Variants in CFAP47 observed in about 807,000 individuals in gnomAD.
CFAP47 encodes cilia- and flagella-associated protein 47.
In CFAP47, 29 loss-of-function variants were observed where a neutral mutation model predicts 148.1. That is an observed-to-expected ratio of 0.20 (90% CI 0.15 to 0.27). The LOEUF (loss-of-function observed/expected upper bound fraction) is 0.27, where lower values mean the gene tolerates loss of function less well. CFAP47 is among the 10% of genes least tolerant of loss of function. The pLI, the probability that CFAP47 is intolerant of heterozygous loss-of-function variation, is 1.00. For synonymous variants in CFAP47, 664 were observed against 577.3 expected (o/e 1.15, Z -2.15); for missense variants, 1,872 against 1,697.5 (o/e 1.10, Z -1.81).
At chrX:36,265,924 A>G (rs1283009401) in intron 49 of CFAP47, among the ~76,000 whole-genome samples, 3 of 111,367 alleles carry the variant, frequency 2.7e-5, no homozygotes, top group Non-Finnish European at 5.7e-5. Flanking sequence ...CTGCGGTACA[A>G]GTTGTGTATA....
chrX:36,349,425 G>A lies in CFAP47; in HGVS notation c.8604-613G>A, dbSNP rs997379042. On this transcript the variant is annotated intron_variant, in intron 58 of 63. Coordinates refer to ENST00000378653, the MANE Select transcript of CFAP47 (RefSeq NM_001304548.2). ...TTACAGGTGTGTGCCACCACGCCTGGCTAATTTTTGTATTTTTAGTAGAGG... is the reference window on the plus strand; with the variant it reads ...TTACAGGTGTGTGCCACCACGCCTGACTAATTTTTGTATTTTTAGTAGAGG... Among the ~76,000 whole-genome samples the A allele has an allele frequency of 1.2e-3, 135 of 110,702 alleles. 1 individual carries two copies. Among genetic ancestry groups the A allele is most frequent in the African/African-American group, 4.1e-3 (126 of 30,470 alleles).
At chrX:36,374,746 ATT>A in intron 62 of CFAP47, 4 of 475,508 alleles carry the variant, frequency 8.4e-6, no homozygotes, top group Admixed American at 3.6e-5. Flanking sequence ...GTCTCAATAT[ATT>A]TTTTTTTCCA....
chrX:36,250,587 T>C (rs1940679207), intron 48 of CFAP47, among the ~76,000 whole-genome samples: 1 of 110,837 alleles, frequency 9.0e-6, no homozygotes, highest in Admixed American at 9.6e-5. Context: ...AAATGATAAC[T>C]ATGTGAGATA....
chrX:36,304,539 G>A lies in CFAP47; in HGVS notation c.8082+579G>A, dbSNP rs1414971340. Among the ~76,000 whole-genome samples the A allele has an allele frequency of 2.7e-5, 3 of 111,154 alleles. No individual in the cohort carries two copies. The South Asian group carries it at 1.1e-3, about 41-fold the overall frequency. ...TACTTCATTCTAATAAATTGGTTGC[G>A]TTTTCTTTCTCACCATTTTAGTAAT... On this transcript the variant is annotated intron_variant, in intron 54 of 63. Transcript: ENST00000378653.
intron 26 of CFAP47, among the ~76,000 whole-genome samples, chrX:36,061,249 T>G (rs765239703): frequency 8.9e-6 from 1 of 111,913 alleles, no homozygotes; most frequent in African/African-American, 3.2e-5. Flanking sequence ...TCCCCAGGCA[T>G]GCCCTCCTGT....
At chrX:36,258,660 G>A (rs1555999468) in intron 49 of CFAP47, among the ~76,000 whole-genome samples, 1 of 111,478 alleles carries the variant, frequency 9.0e-6, no homozygotes, top group Non-Finnish European at 1.9e-5. Flanking sequence ...GGCCACCATC[G>A]ACATATAATT....
chrX:36,122,328 A>T (rs1314728016), intron 33 of CFAP47, among the ~76,000 whole-genome samples: 1 of 111,086 alleles, frequency 9.0e-6, no homozygotes, highest in Non-Finnish European at 1.9e-5. Flanking sequence ...TTGTACTTGG[A>T]TATTGATATC....
chrX:36,236,672 C>T lies in CFAP47; in HGVS notation c.7159-14C>T, dbSNP rs1940470692. 1 of 520,424 alleles carries T rather than the reference C, an allele frequency of 1.9e-6. No individual in the cohort carries two copies. 42.9% of individuals were successfully genotyped at this position (520,424 alleles called of 1,213,427 possible). A position where few individuals can be genotyped will look rare whatever the true frequency, so the allele number is the denominator to read the frequency against. On this transcript the variant is annotated splice_polypyrimidine_tract_variant and intron_variant, in intron 47 of 63. Transcript: ENST00000378653. ...TGACTCCTATAGACCTGAAATTTGTCTGGTTTCTCATAGGGTAAACTTATT... is the reference window on the plus strand; with the variant it reads ...TGACTCCTATAGACCTGAAATTTGTTTGGTTTCTCATAGGGTAAACTTATT...
intron 39 of CFAP47, among the ~76,000 whole-genome samples, chrX:36,172,475 C>G (rs1457091907): frequency 9.2e-6 from 1 of 108,320 alleles, no homozygotes; most frequent in South Asian, 4.1e-4. Context: ...TACGTCCCAT[C>G]AATACCTAAT....
chrX:36,231,927 G>A (rs376441222), intron 46 of CFAP47, among the ~76,000 whole-genome samples: 19 of 111,378 alleles, frequency 1.7e-4, no homozygotes, highest in East Asian at 8.5e-4. Context: ...ATTGATTTGC[G>A]TATATTGAAC....
chrX:36,144,975 T>C, intron 35 of CFAP47: 1 of 564,999 alleles, frequency 1.8e-6, no homozygotes, highest in Non-Finnish European at 2.6e-6. Flanking sequence ...CCCTATTGGC[T>C]TCTGTCATTC....
intron 33 of CFAP47, among the ~76,000 whole-genome samples, chrX:36,116,030 A>G (rs1041691046): frequency 1.8e-5 from 2 of 112,165 alleles, no homozygotes; most frequent in African/African-American, 6.5e-5. Context: ...ACATTTTTTC[A>G]CACTGTAACC....
intron 49 of CFAP47, among the ~76,000 whole-genome samples, chrX:36,262,047 G>A (rs1360857048): frequency 3.6e-5 from 4 of 112,445 alleles, no homozygotes; most frequent in Non-Finnish European, 7.5e-5. Flanking sequence ...GTAGTGTGAT[G>A]CCTTTGGCTT....
intron 3 of CFAP47, among the ~76,000 whole-genome samples, chrX:35,943,592 T>A (rs1936042945): frequency 9.0e-6 from 1 of 111,703 alleles, no homozygotes; most frequent in Non-Finnish European, 1.9e-5. Context: ...GCAGTGCTCA[T>A]CTTTTCTTTC....
intron 45 of CFAP47, chrX:36,211,576 A>G: frequency 3.4e-6 from 1 of 290,230 alleles, no homozygotes; most frequent in Non-Finnish European, 6.5e-6. Context: ...AAGGAAAAAT[A>G]CAAAAAGGAT....
At chrX:36,115,703 T>C (rs1367942723) in intron 33 of CFAP47, among the ~76,000 whole-genome samples, 1 of 111,668 alleles carries the variant, frequency 9.0e-6, no homozygotes, top group Non-Finnish European at 1.9e-5. Context: ...TAAAAGCTGA[T>C]ATTTAAACTG....
chrX:36,235,558 C>T (rs1198450941), intron 46 of CFAP47, among the ~76,000 whole-genome samples: 1 of 112,591 alleles, frequency 8.9e-6, no homozygotes, highest in Non-Finnish European at 1.9e-5. Context: ...ACTCCCTGAC[C>T]TCTTGTGCTT....
chrX:35,943,364 T>A (rs962388600), intron 3 of CFAP47, among the ~76,000 whole-genome samples: 2 of 111,926 alleles, frequency 1.8e-5, no homozygotes, highest in African/African-American at 6.5e-5. Context: ...ATTTAACATT[T>A]CCACATCTTT....
intron 49 of CFAP47, among the ~76,000 whole-genome samples, chrX:36,252,919 G>A (rs1555998437): frequency 8.9e-6 from 1 of 111,863 alleles, no homozygotes; most frequent in Admixed American, 9.5e-5. Context: ...GTGAAACATT[G>A]TTGAATTTGG....
Sources: allele counts gnomAD v4.1 joint callset (sites outside exome capture counted in the v4.1 genomes callset), GRCh38; gene constraint gnomAD v4.1.1; transcripts MANE v1.5; gene names NCBI Gene and HGNC (gene_info 2026-07-23, HGNC 2026-07-21).